The following EVL variants were observed in gnomAD, a reference collection of about 807,000 sequenced individuals.
The protein encoded by EVL is Enah/Vasp-like.
EVL carries 21 observed loss-of-function variants against 59.6 expected under a neutral mutation model. The ratio of observed to expected loss-of-function variants is 0.35; its 90% confidence interval spans 0.25 to 0.51. The LOEUF (loss-of-function observed/expected upper bound fraction) is 0.51, where lower values mean the gene tolerates loss of function less well. Ranked by LOEUF, EVL falls within the 20% of genes least tolerant of loss-of-function variation. The pLI is 0.97. For missense variants in EVL, 462 were observed against 546.6 expected (o/e 0.85, Z 1.54); for synonymous variants, 198 against 203.5 (o/e 0.97, Z 0.23).
intron 1 of EVL, among the ~76,000 whole-genome samples, chr14:99,980,557 T>G (rs949663716): frequency 6.6e-6 from 1 of 152,332 alleles, no homozygotes; most frequent in Non-Finnish European, 1.5e-5. Context: ...GCAGTGTGAT[T>G]ACAGAATACA....
chr14:100,141,634 A>T, intron 12 of EVL, 102 bp from the exon 13 acceptor site: 1 of 1,066,128 alleles, frequency 9.4e-7, no homozygotes, highest in East Asian at 2.5e-5. Flanking sequence ...GCAACTCTGG[A>T]GAGGCCCAGG....
At chr14:100,036,770 G>A (rs2061395113) in intron 1 of EVL, among the ~76,000 whole-genome samples, 1 of 152,144 alleles carries the variant, frequency 6.6e-6, no homozygotes, top group African/African-American at 2.4e-5. Context: ...GTTTAACAGA[G>A]GACCGTGGCA....
chr14:100,088,505 C>G (rs2062494976), intron 2 of EVL, among the ~76,000 whole-genome samples: 1 of 152,158 alleles, frequency 6.6e-6, no homozygotes, highest in Admixed American at 6.5e-5. Flanking sequence ...ATGGTATAGC[C>G]TGTTGCTCCT....
intron 1 of EVL, among the ~76,000 whole-genome samples, chr14:100,083,807 C>G (rs921444161): frequency 6.6e-6 from 1 of 152,124 alleles, no homozygotes. Flanking sequence ...TAGCATAATA[C>G]CATAAATGAA....
At chr14:99,993,749 A>G (rs564241639) in intron 1 of EVL, among the ~76,000 whole-genome samples, 4 of 137,720 alleles carry the variant, frequency 2.9e-5, no homozygotes, top group East Asian at 4.2e-4. Flanking sequence ...CTGGAGTGCA[A>G]TGGCGCAGTC....
chr14:100,032,769 A>C (rs1167348833), intron 1 of EVL, among the ~76,000 whole-genome samples: 3 of 152,132 alleles, frequency 2.0e-5, no homozygotes, highest in Non-Finnish European at 4.4e-5. Flanking sequence ...CTTTTTTCTG[A>C]ACTCTCCTAT....
intron 1 of EVL, among the ~76,000 whole-genome samples, chr14:100,078,632 G>A (rs1216206444): frequency 6.6e-6 from 1 of 152,136 alleles, no homozygotes; most frequent in Non-Finnish European, 1.5e-5. Flanking sequence ...GAGCTGGGTG[G>A]GGAACAGCAG....
chr14:100,074,325 A>C (rs1013498125), intron 1 of EVL, among the ~76,000 whole-genome samples: 3 of 152,110 alleles, frequency 2.0e-5, no homozygotes, highest in Non-Finnish European at 4.4e-5. Flanking sequence ...TTCCACCCTA[A>C]GTCTTGCCTC....
At chr14:100,023,844 C>T (rs905223755) in intron 1 of EVL, among the ~76,000 whole-genome samples, 1 of 152,212 alleles carries the variant, frequency 6.6e-6, no homozygotes, top group Non-Finnish European at 1.5e-5. Context: ...TGTTTCTACA[C>T]ACCACAGAGA....
At chr14:100,024,509 GAATACCTGCTGTGTGCC>G (rs2061178566) in intron 1 of EVL, among the ~76,000 whole-genome samples, 1 of 152,184 alleles carries the variant, frequency 6.6e-6, no homozygotes, top group South Asian at 2.1e-4. Context: ...CTTGATCATT[GAATACCTGCTGTGTGCC>G]AATCACTGCT....
chr14:100,085,908 A>T (rs962563222), intron 2 of EVL, among the ~76,000 whole-genome samples: 1 of 152,162 alleles, frequency 6.6e-6, no homozygotes, highest in African/African-American at 2.4e-5. Flanking sequence ...CGGGTGGATT[A>T]CAAGGTCAGG....
chr14:100,012,935 G>A (rs1190993), intron 1 of EVL, among the ~76,000 whole-genome samples: 54,499 of 152,148 alleles, frequency 0.36, 13,603 homozygotes, highest in African/African-American at 0.71. Context: ...ATTTCAAAAT[G>A]GGATAATTTG....
chr14:100,055,183 G>A (rs1224205623), intron 1 of EVL, among the ~76,000 whole-genome samples: 1 of 149,974 alleles, frequency 6.7e-6, no homozygotes. Flanking sequence ...TGGGCGACAA[G>A]GGTGAGACTC....
At chr14:100,031,345 G>A (rs149149674) in intron 1 of EVL, among the ~76,000 whole-genome samples, 10 of 152,302 alleles carry the variant, frequency 6.6e-5, no homozygotes, top group Non-Finnish European at 1.0e-4. Context: ...GAAACCCTAG[G>A]TTCTAATGAT....
intron 3 of EVL, among the ~76,000 whole-genome samples, chr14:100,117,725 C>G (rs1296073123): frequency 6.6e-6 from 1 of 152,206 alleles, no homozygotes; most frequent in East Asian, 1.9e-4. Context: ...AACTTGAGTT[C>G]TCTCCTTACC....
chr14:100,051,450 T>G (rs2061646361), intron 1 of EVL, among the ~76,000 whole-genome samples: 1 of 152,256 alleles, frequency 6.6e-6, no homozygotes, highest in Admixed American at 6.5e-5. Context: ...TTCTTCTGGT[T>G]TCTTAATCTC....
intron 1 of EVL, among the ~76,000 whole-genome samples, chr14:100,078,064 G>A (rs1234497327): frequency 1.3e-5 from 2 of 152,190 alleles, no homozygotes; most frequent in East Asian, 1.9e-4. Flanking sequence ...GTGAGCCACT[G>A]CGCCCGGCCA....
In EVL at chr14:100,136,536, A is replaced by G. The variant is rs574394698; in HGVS notation, c.964+568A>G. On this transcript the variant is annotated intron_variant, in intron 9 of 13. Transcript: ENST00000392920. ...CCCAGGGTTGGTTGTTCATTCGACAAACATCTTTGCAGCACCTGCTCTGTG... is the reference window on the plus strand; with the variant it reads ...CCCAGGGTTGGTTGTTCATTCGACAGACATCTTTGCAGCACCTGCTCTGTG... Among the ~76,000 whole-genome samples, 9 of 152,270 alleles carry G rather than the reference A, an allele frequency of 5.9e-5. No homozygotes were observed. The South Asian group carries it at 6.2e-4, about 11-fold the overall frequency.
Position 100,137,718 on chromosome 14 carries a change from CTGTT to C in EVL, c.1032-20_1032-17del. 1 of 1,614,074 alleles carries C rather than the reference CTGTT, an allele frequency of 6.2e-7. No homozygotes were observed. The highest frequency in any genetic ancestry group is 1.1e-5 in the South Asian group (1 of 91,088). On this transcript the variant is annotated intron_variant, in intron 10 of 13. Transcript: ENST00000392920. ...CGGGCGCTGGCGCCGATTCACATGT[CTGTT>C]TCATTCCATTGCCGTAGAACCCCGT...
Sources: gnomAD v4.1 joint callset for allele counts (sites outside exome capture counted in the v4.1 genomes callset) on GRCh38, gnomAD v4.1.1 for gene constraint, MANE v1.5 for transcripts, NCBI Gene and HGNC (gene_info 2026-07-23, HGNC 2026-07-21) for gene names.